TMEM38B: variants seen among roughly 807,000 people sequenced by gnomAD.
TMEM38B encodes the protein transmembrane protein 38B, also known as trimeric intracellular cation channel type B.
In TMEM38B, 24 loss-of-function variants were observed where a neutral mutation model predicts 28.7. The ratio of observed to expected loss-of-function variants is 0.84; its 90% CI spans 0.61 to 1.18. The LOEUF is 1.18. Ranked by LOEUF, TMEM38B falls within the 50% of genes most tolerant of loss-of-function variation. The pLI is 0.00. For missense variants in TMEM38B, 380 were observed against 350.9 expected, an observed-to-expected ratio of 1.08 and a Z score of -0.66; for synonymous variants, 131 against 127.7, an observed-to-expected ratio of 1.03 and a Z score of -0.17.
chr9:105,744,548 T>C (rs1837317883), intron 4 of TMEM38B, among the ~76,000 whole-genome samples: 1 of 151,980 alleles, frequency 6.6e-6, no homozygotes, highest in Admixed American at 6.6e-5. Context: ...TTGACTGTTT[T>C]AGCAATGTAA....
intron 2 of TMEM38B, among the ~76,000 whole-genome samples, chr9:105,707,027 C>G (rs1202912279): frequency 1.3e-5 from 2 of 152,288 alleles, no homozygotes; most frequent in East Asian, 3.9e-4. Context: ...ATCTGCCCGT[C>G]TCAGCCTCCC....
At chr9:105,766,268 A>T (rs1826368088) in intron 5 of TMEM38B, among the ~76,000 whole-genome samples, 1 of 152,136 alleles carries the variant, frequency 6.6e-6, no homozygotes, top group Non-Finnish European at 1.5e-5. Context: ...GATCCTTGTT[A>T]ATTATTTGGT....
intron 5 of TMEM38B, among the ~76,000 whole-genome samples, chr9:105,764,221 G>A (rs1205770454): frequency 6.6e-6 from 1 of 152,112 alleles, no homozygotes; most frequent in Admixed American, 6.5e-5. Flanking sequence ...AGTGTTGGAA[G>A]TTCTGGCTAG....
intron 5 of TMEM38B, among the ~76,000 whole-genome samples, chr9:105,749,543 T>C (rs75411011): frequency 0.023 from 3,525 of 152,294 alleles, 136 homozygotes; most frequent in African/African-American, 0.081. Context: ...AGTGGAGATA[T>C]GAGTGATGTA....
At chr9:105,750,647 TA>T (rs1837614982) in intron 5 of TMEM38B, among the ~76,000 whole-genome samples, 1 of 152,158 alleles carries the variant, frequency 6.6e-6, no homozygotes, top group Non-Finnish European at 1.5e-5. Flanking sequence ...ACATTTTTTT[TA>T]TGAGTCCAAT....
chr9:105,770,098 A>G (rs1024404510), intron 5 of TMEM38B, among the ~76,000 whole-genome samples: 1 of 152,132 alleles, frequency 6.6e-6, no homozygotes, highest in African/African-American at 2.4e-5. Flanking sequence ...TAATGTATAC[A>G]TTTTATTCAT....
chr9:105,715,872 G>A (rs2133569023), intron 2 of TMEM38B, among the ~76,000 whole-genome samples: 1 of 152,114 alleles, frequency 6.6e-6, no homozygotes, highest in South Asian at 2.1e-4. Flanking sequence ...ATTTTCCTGA[G>A]TGCTTACATT....
intron 5 of TMEM38B, among the ~76,000 whole-genome samples, chr9:105,764,385 C>T (rs1826272842): frequency 6.6e-6 from 1 of 152,118 alleles, no homozygotes; most frequent in South Asian, 2.1e-4. Context: ...TCAGCAAAGT[C>T]TCAGGATACA....
rs1588488504 is a variant in TMEM38B at position 105,775,445 on chromosome 9, G to A, written c.*1365G>A. 6.6e-6 allele frequency: 1 copy of A among 151,828 alleles called. No homozygotes were observed. The highest frequency in any genetic ancestry group is 2.4e-5 in the African/African-American group (1 of 41,464). 9.4% of individuals were successfully genotyped at this position (151,828 alleles called of 1,614,324 possible). ...CCTACTCCCCGTATCAGGTATTTTC[G>A]ATGGTTTAGAAGTACTCAAGTCACA... On this transcript the variant is annotated 3_prime_UTR_variant, in exon 6 of 6. Transcript: ENST00000374692.
chr9:105,738,715 CTTTTTTTTT>C (rs71489351), intron 4 of TMEM38B, among the ~76,000 whole-genome samples: 1 of 109,670 alleles, frequency 9.1e-6, no homozygotes, highest in South Asian at 3.1e-4. Flanking sequence ...TAATTTTTTC[CTTTTTTTTT>C]TTTTTTTTTT....
chr9:105,747,964 TACA>T, intron 4 of TMEM38B, 106 bp from the exon 5 acceptor site: 2 of 695,244 alleles, frequency 2.9e-6, no homozygotes, highest in Non-Finnish European at 2.5e-6. Context: ...ATTTTTGCAT[TACA>T]TCTATTAATA....
chr9:105,704,139 G>C (rs1269737817), intron 1 of TMEM38B, among the ~76,000 whole-genome samples: 1 of 152,006 alleles, frequency 6.6e-6, no homozygotes, highest in Admixed American at 6.6e-5. Context: ...GCTAGATGAC[G>C]AGTTAGTGGG....
At chr9:105,735,266 T>C (rs1836929651) in intron 4 of TMEM38B, among the ~76,000 whole-genome samples, 1 of 152,194 alleles carries the variant, frequency 6.6e-6, no homozygotes. Flanking sequence ...GAATTATAGA[T>C]GTTGTTTTTG....
At chr9:105,746,769 T>C (rs1408192983) in intron 4 of TMEM38B, among the ~76,000 whole-genome samples, 1 of 152,228 alleles carries the variant, frequency 6.6e-6, no homozygotes, top group Non-Finnish European at 1.5e-5. Context: ...CCTAATTTAT[T>C]GAAAGTTATT....
intron 5 of TMEM38B, among the ~76,000 whole-genome samples, chr9:105,755,885 G>A (rs1837812781): frequency 6.6e-6 from 1 of 151,952 alleles, no homozygotes; most frequent in East Asian, 1.9e-4. Flanking sequence ...TATTGATTTT[G>A]TATCCTGCAA....
Position 105,710,633 on chromosome 9 carries a change from G to A in TMEM38B, c.269+4880G>A, listed in dbSNP as rs1201542550. On this transcript the variant is annotated intron_variant, in intron 2 of 5. Transcript: ENST00000374692. ...TTGAACAGAAGCAAATCCTCTCTTGGATGGTGAGTGTGGAAATCAAGTGGA... is the reference window on the plus strand; with the variant it reads ...TTGAACAGAAGCAAATCCTCTCTTGAATGGTGAGTGTGGAAATCAAGTGGA... 3 of 744,520 alleles carry A rather than the reference G, an allele frequency of 4.0e-6. No homozygotes were observed. In the South Asian group the frequency reaches 4.0e-5, roughly 10 times the overall value. 46.1% of individuals were successfully genotyped at this position (744,520 alleles called of 1,614,324 possible).
At position 105,766,162 on chromosome 9, in the gene TMEM38B, A is replaced by G. The variant is rs116188492; in HGVS notation, c.661-7703A>G. The stretch of plus-strand genomic sequence containing the variant: ...AATTGCTAGGTCATCTGAAAAGCAT[A>G]TGTTTAACTTTTTAAGAAACTGCCA... On this transcript the variant is annotated intron_variant, in intron 5 of 5. Transcript: ENST00000374692. Among the ~76,000 whole-genome samples, 1,418 of 152,264 alleles carry G rather than the reference A, an allele frequency of 9.3e-3. 13 individuals are homozygous for G. Among genetic ancestry groups the G allele is most frequent in the African/African-American group, 0.032 (1,325 of 41,550 alleles).
chr9:105,726,222 G>T (rs900536775), intron 4 of TMEM38B, among the ~76,000 whole-genome samples: 13 of 151,786 alleles, frequency 8.6e-5, no homozygotes, highest in African/African-American at 2.9e-4. Flanking sequence ...CCAAATACTA[G>T]ATCTTATTCC....
chr9:105,770,973 C>T (rs1414093719), intron 5 of TMEM38B, among the ~76,000 whole-genome samples: 2 of 152,044 alleles, frequency 1.3e-5, no homozygotes, highest in Admixed American at 1.3e-4. Flanking sequence ...GTATAAGTGC[C>T]ATATTGTGTG....
Sources: gnomAD v4.1 joint callset for allele counts (sites outside exome capture counted in the v4.1 genomes callset) on GRCh38, gnomAD v4.1.1 for gene constraint, MANE v1.5 for transcripts, NCBI Gene and HGNC (gene_info 2026-07-23, HGNC 2026-07-21) for gene names.